PTPN13: variants seen among roughly 807,000 people sequenced by gnomAD.
The protein encoded by PTPN13 is tyrosine-protein phosphatase non-receptor type 13.
In PTPN13, 191 loss-of-function variants were observed where a neutral mutation model predicts 284.0. The ratio of observed to expected loss-of-function variants is 0.67; its 90% CI spans 0.60 to 0.76. The LOEUF is 0.76. Ranked by LOEUF, PTPN13 falls within the 30% of genes least tolerant of loss-of-function variation. The pLI, the probability that PTPN13 is intolerant of heterozygous loss-of-function variation, is 0.00. For synonymous variants in PTPN13, 986 were observed against 1,022.3 expected (o/e 0.96, Z 0.68); for missense variants, 2,797 against 2,939.9 (o/e 0.95, Z 1.12).
intron 2 of PTPN13, among the ~76,000 whole-genome samples, chr4:86,653,760 T>TA (rs1344964633): frequency 6.6e-6 from 1 of 152,104 alleles, no homozygotes; most frequent in Non-Finnish European, 1.5e-5. Flanking sequence ...TATTATTTTT[T>TA]AAAAAACTAA....
At chr4:86,658,552 A>C (rs1263478622) in intron 2 of PTPN13, among the ~76,000 whole-genome samples, 1 of 152,142 alleles carries the variant, frequency 6.6e-6, no homozygotes, top group Admixed American at 6.5e-5. Flanking sequence ...TATTTTTAAA[A>C]ACTTCTGTTT....
intron 7 of PTPN13, among the ~76,000 whole-genome samples, chr4:86,707,202 C>T (rs556992185): frequency 2.1e-4 from 32 of 152,328 alleles, no homozygotes; most frequent in Non-Finnish European, 4.1e-4. Flanking sequence ...ACAGTTGCAA[C>T]TCCTCTGCAT....
chr4:86,746,558 CAGAG>C (rs763132832), intron 17 of PTPN13, among the ~76,000 whole-genome samples: 19 of 152,258 alleles, frequency 1.2e-4, no homozygotes, highest in Non-Finnish European at 2.4e-4. Flanking sequence ...ACGTAAAACT[CAGAG>C]AGCTACAGTC....
At chr4:86,629,995 G>T (rs1722293454) in intron 1 of PTPN13, among the ~76,000 whole-genome samples, 1 of 152,064 alleles carries the variant, frequency 6.6e-6, no homozygotes, top group African/African-American at 2.4e-5. Flanking sequence ...TGAACCCCTG[G>T]ACTCAAGTGA....
intron 27 of PTPN13, 135 bp from the exon 28 acceptor site, chr4:86,767,682 T>C: frequency 1.6e-6 from 1 of 617,586 alleles, no homozygotes; most frequent in Non-Finnish European, 2.6e-6. Flanking sequence ...TTTTTTTTTC[T>C]CCCCCTTCAT....
chr4:86,794,236 G>A (rs920570299), intron 40 of PTPN13, among the ~76,000 whole-genome samples: 8 of 151,710 alleles, frequency 5.3e-5, no homozygotes, highest in East Asian at 1.9e-4. Flanking sequence ...TGCAAAAATC[G>A]CAAGCATTCA....
intron 6 of PTPN13, among the ~76,000 whole-genome samples, chr4:86,699,342 C>T (rs990134960): frequency 5.9e-5 from 9 of 151,842 alleles, no homozygotes; most frequent in Admixed American, 5.2e-4. Context: ...GCCAAGATGG[C>T]GCCACTGCAC....
At chr4:86,740,873 A>G (rs1736098858) in intron 15 of PTPN13, among the ~76,000 whole-genome samples, 1 of 152,070 alleles carries the variant, frequency 6.6e-6, no homozygotes, top group African/African-American at 2.4e-5. Flanking sequence ...AAGTTCCACA[A>G]ATCTCTAGGG....
At chr4:86,773,790 T>C (rs1367254361) in intron 32 of PTPN13, among the ~76,000 whole-genome samples, 1 of 151,988 alleles carries the variant, frequency 6.6e-6, no homozygotes, top group Non-Finnish European at 1.5e-5. Context: ...AGAGTAAAAA[T>C]AATCTTTAAT....
chr4:86,705,063 C>T (rs769134718), intron 7 of PTPN13, among the ~76,000 whole-genome samples: 10 of 152,058 alleles, frequency 6.6e-5, no homozygotes, highest in South Asian at 2.1e-4. Context: ...AGGCTGGGCG[C>T]GGTGGCTGAT....
In PTPN13 at chr4:86,734,292, A is replaced by G. The variant is rs372291599; in HGVS notation, c.1859-11A>G. On this transcript the variant is annotated splice_polypyrimidine_tract_variant and intron_variant, in intron 12 of 47. Coordinates refer to ENST00000411767, the MANE Select transcript of PTPN13 (RefSeq NM_080683.3). ...TTTATTTTATCTGAATATTTTTCTC[A>G]TTCTGTTTAGATAATGAATATTTCT... 2.1e-6 allele frequency: 3 copies of G among 1,439,882 alleles called. No homozygotes were observed. Among genetic ancestry groups the G allele is most frequent in the Non-Finnish European group, 2.8e-6 (3 of 1,081,732 alleles). 89.2% of individuals were successfully genotyped at this position (1,439,882 alleles called of 1,614,324 possible). A position where few individuals can be genotyped will look rare whatever the true frequency, so the allele number is the denominator to read the frequency against.
At position 86,807,884 on chromosome 4, in the gene PTPN13, T is replaced by C; in HGVS notation, c.7070T>C (p.Leu2357Pro). The change falls in exon 45 of 48, where the codon CTT becomes CCT. Residue 2357 changes from leucine to proline, a missense_variant. Leu to Pro is a moderately conservative substitution (Grantham distance 98). Coordinates refer to ENST00000411767, the MANE Select transcript of PTPN13 (RefSeq NM_080683.3). ...GGCTTTGTGGTGAGGGCAATGACCCTTGAAGATATTCAGGTAAGTGAATGA... is the reference window on the plus strand; with the variant it reads ...GGCTTTGTGGTGAGGGCAATGACCCCTGAAGATATTCAGGTAAGTGAATGA... ...LKGFVVRAMT[L>P]EDIQTREVRH... 6.2e-7 allele frequency: 1 copy of C among 1,610,042 alleles called. No homozygotes were observed. The highest frequency in any genetic ancestry group is 8.5e-7 in the Non-Finnish European group (1 of 1,177,296).
chr4:86,729,777 G>C (rs1386936673), intron 10 of PTPN13, among the ~76,000 whole-genome samples: 1 of 149,284 alleles, frequency 6.7e-6, no homozygotes, highest in Non-Finnish European at 1.5e-5. Flanking sequence ...CCTTGTGATG[G>C]GTTTGAACAT....
At chr4:86,678,425 G>A (rs1728525955) in intron 3 of PTPN13, among the ~76,000 whole-genome samples, 2 of 152,130 alleles carry the variant, frequency 1.3e-5, no homozygotes, top group African/African-American at 4.8e-5. Context: ...TATTCTTCTG[G>A]ATAGAGGGAT....
At chr4:86,611,050 T>A (rs1262116079) in intron 1 of PTPN13, among the ~76,000 whole-genome samples, 3 of 152,182 alleles carry the variant, frequency 2.0e-5, no homozygotes, top group Non-Finnish European at 4.4e-5. Context: ...CTTAGAAAAA[T>A]TTTATTCTGA....
chr4:86,698,983 G>A (rs1730853098), intron 6 of PTPN13, among the ~76,000 whole-genome samples: 5 of 152,126 alleles, frequency 3.3e-5, no homozygotes, highest in South Asian at 2.1e-4. Context: ...GAGAATTAAC[G>A]AAAGAAGTAA....
chr4:86,758,398 A>G (rs371877918), intron 21 of PTPN13, 49 bp downstream of exon 21: 18 of 1,448,500 alleles, frequency 1.2e-5, no homozygotes, highest in Non-Finnish European at 1.6e-5. Context: ...GGGGATTCAG[A>G]GGAAAAGTCT....
chr4:86,610,111 G>A (rs1056255400), intron 1 of PTPN13, among the ~76,000 whole-genome samples: 2 of 152,082 alleles, frequency 1.3e-5, no homozygotes, highest in Non-Finnish European at 2.9e-5. Context: ...CTACTTGGGA[G>A]GCTGAGGCAG....
intron 2 of PTPN13, among the ~76,000 whole-genome samples, chr4:86,655,208 G>A (rs1725614739): frequency 1.3e-5 from 2 of 152,142 alleles, no homozygotes; most frequent in South Asian, 4.1e-4. Context: ...TTGCCAGTCT[G>A]TGTCTTTTAA....
Sources: allele counts gnomAD v4.1 joint callset (sites outside exome capture counted in the v4.1 genomes callset), GRCh38; gene constraint gnomAD v4.1.1; transcripts MANE v1.5; gene names NCBI Gene and HGNC (gene_info 2026-07-23, HGNC 2026-07-21).